The following ELF2 variants were observed in gnomAD, a reference collection of about 807,000 sequenced individuals.
The protein encoded by ELF2 is ETS-related transcription factor Elf-2.
ELF2 carries 11 observed loss-of-function variants against 54.8 expected under a neutral mutation model. That is an observed-to-expected ratio of 0.20 (90% CI 0.13 to 0.33). ELF2 has a LOEUF of 0.33. Among genes scored for constraint, ELF2 ranks in the 10% least tolerant of loss-of-function variants. The pLI, the probability that ELF2 is intolerant of heterozygous loss-of-function variation, is 1.00. For missense variants in ELF2, 513 were observed against 703.0 expected, an observed-to-expected ratio of 0.73 and a Z score of 3.06; for synonymous variants, 203 against 245.1, an observed-to-expected ratio of 0.83 and a Z score of 1.61.
At chr4:139,156,957 T>C (rs1214536322) in intron 1 of ELF2, among the ~76,000 whole-genome samples, 2 of 152,166 alleles carry the variant, frequency 1.3e-5, no homozygotes, top group Non-Finnish European at 2.9e-5. Context: ...TATATTCTTA[T>C]GTACTATACA....
chr4:139,096,124 G>A (rs1733254285), intron 4 of ELF2, among the ~76,000 whole-genome samples: 1 of 151,924 alleles, frequency 6.6e-6, no homozygotes, highest in Non-Finnish European at 1.5e-5. Flanking sequence ...TACAAAAAAA[G>A]AACATTTGTA....
chr4:139,142,015 T>C (rs989426827), intron 1 of ELF2, among the ~76,000 whole-genome samples: 1 of 152,188 alleles, frequency 6.6e-6, no homozygotes, highest in African/African-American at 2.4e-5. Context: ...TATTATATGA[T>C]AGCACAATTT....
chr4:139,154,249 AATTACCTGATGTTG>A (rs1289340257), intron 1 of ELF2, among the ~76,000 whole-genome samples: 1 of 152,194 alleles, frequency 6.6e-6, no homozygotes, highest in Non-Finnish European at 1.5e-5. Flanking sequence ...AATGCTGAGT[AATTACCTGATGTTG>A]GGCAGTTACT....
intron 4 of ELF2, among the ~76,000 whole-genome samples, chr4:139,083,933 G>A (rs2148734164): frequency 6.6e-6 from 1 of 152,322 alleles, no homozygotes; most frequent in South Asian, 2.1e-4. Flanking sequence ...ATTCGAGGCA[G>A]GTTACTCTCC....
chr4:139,090,799 T>C (rs1732486945), intron 4 of ELF2, among the ~76,000 whole-genome samples: 1 of 152,190 alleles, frequency 6.6e-6, no homozygotes, highest in Non-Finnish European at 1.5e-5. Context: ...TTTGCCACGT[T>C]GGCCAGGCTG....
chr4:139,135,237 A>ATGTGTGTGTGTG (rs61122327), intron 3 of ELF2, among the ~76,000 whole-genome samples: 8 of 112,398 alleles, frequency 7.1e-5, no homozygotes, highest in Non-Finnish European at 9.8e-5. Context: ...TACTATATAT[A>ATGTGTGTGTGTG]TGTGTGTGTG....
chr4:139,137,171 G>C lies in ELF2; in HGVS notation c.72+459C>G, dbSNP rs73852771. 872 of 154,034 alleles carry C rather than the reference G, an allele frequency of 5.7e-3. 9 individuals carry two copies. The highest frequency in any genetic ancestry group is 0.02 in the African/African-American group (822 of 41,596). 9.5% of individuals were successfully genotyped at this position (154,034 alleles called of 1,614,324 possible). Reference sequence around the variant, plus strand: ...TCTGACTTACTAATTATCTAAATTCGTGTTTAAATGAGATTAAAATACAAT... The same window carrying C: ...TCTGACTTACTAATTATCTAAATTCCTGTTTAAATGAGATTAAAATACAAT... On this transcript the variant is annotated intron_variant, in intron 3 of 9. Transcript: ENST00000686138.
At chr4:139,173,080 G>A (rs1475986578) in intron 1 of ELF2, among the ~76,000 whole-genome samples, 1 of 151,994 alleles carries the variant, frequency 6.6e-6, no homozygotes, top group Non-Finnish European at 1.5e-5. Flanking sequence ...AAAGCAAATG[G>A]ATTAAGACAA....
intron 4 of ELF2, among the ~76,000 whole-genome samples, chr4:139,104,238 G>A (rs763650505): frequency 2.5e-4 from 38 of 152,092 alleles, no homozygotes; most frequent in African/African-American, 8.7e-4. Context: ...GGCTGGGCAC[G>A]GTGGCTCATG....
intron 4 of ELF2, among the ~76,000 whole-genome samples, chr4:139,102,659 G>A (rs1734017049): frequency 1.3e-5 from 2 of 150,692 alleles, no homozygotes; most frequent in South Asian, 2.1e-4. Context: ...TGGCCGAGAT[G>A]GTGAAACCCC....
At chr4:139,170,800 C>T (rs1742233495) in intron 1 of ELF2, among the ~76,000 whole-genome samples, 1 of 151,136 alleles carries the variant, frequency 6.6e-6, no homozygotes, top group Non-Finnish European at 1.5e-5. Context: ...GGCTGCAGTG[C>T]AGTGTTGCAA....
intron 1 of ELF2, among the ~76,000 whole-genome samples, chr4:139,143,225 TC>T (rs1738889720): frequency 6.6e-6 from 1 of 152,182 alleles, no homozygotes; most frequent in African/African-American, 2.4e-5. Context: ...GTGCATGTGT[TC>T]CTGGAACAGT....
At chr4:139,144,096 C>T (rs558654482) in intron 1 of ELF2, among the ~76,000 whole-genome samples, 3 of 152,058 alleles carry the variant, frequency 2.0e-5, no homozygotes, top group South Asian at 2.1e-4. Flanking sequence ...AATGGAAAAA[C>T]GGAAACCACA....
intron 4 of ELF2, among the ~76,000 whole-genome samples, chr4:139,124,288 A>G (rs562651445): frequency 6.6e-6 from 1 of 152,308 alleles, no homozygotes; most frequent in African/African-American, 2.4e-5. Flanking sequence ...GCTCCACAAA[A>G]AATAAAATTA....
intron 4 of ELF2, among the ~76,000 whole-genome samples, chr4:139,074,280 G>T (rs1399409774): frequency 6.6e-6 from 1 of 152,164 alleles, no homozygotes; most frequent in Non-Finnish European, 1.5e-5. Flanking sequence ...GCTGGTTGTA[G>T]ATTAAAAACC....
chr4:139,126,212 T>C (rs1736904365), intron 3 of ELF2, among the ~76,000 whole-genome samples: 1 of 151,936 alleles, frequency 6.6e-6, no homozygotes, highest in South Asian at 2.1e-4. Flanking sequence ...GCTTGGAAGA[T>C]AAAATTGAGG....
rs1297590298 is a variant in ELF2 at position 139,063,195 on chromosome 4, T to C, written c.614-1138A>G. On this transcript the variant is annotated intron_variant, in intron 7 of 9. Transcript: ENST00000686138. Reference sequence around the variant, plus strand: ...ATCGCTTGAACCCAGGAAGCAGAGGTTACAGTGAGCTGAGATCGCACCACT... The same window carrying C: ...ATCGCTTGAACCCAGGAAGCAGAGGCTACAGTGAGCTGAGATCGCACCACT... Among the ~76,000 whole-genome samples, 3 of 152,032 alleles carry C rather than the reference T, an allele frequency of 2.0e-5. No homozygotes were observed. In the East Asian group the frequency reaches 5.8e-4, roughly 29 times the overall value.
chr4:139,169,297 G>A (rs898146839), intron 1 of ELF2, among the ~76,000 whole-genome samples: 8 of 147,382 alleles, frequency 5.4e-5, no homozygotes, highest in Admixed American at 3.4e-4. Flanking sequence ...GCGGCAAGCC[G>A]AGATCGCACC....
chr4:139,139,333 T>A, intron 2 of ELF2, 80 bp downstream of exon 2: 1 of 709,866 alleles, frequency 1.4e-6, no homozygotes, highest in Non-Finnish European at 1.9e-6. Context: ...ATAATAAAAT[T>A]CCACAGTCCC....
Sources: gnomAD v4.1 joint callset for allele counts (sites outside exome capture counted in the v4.1 genomes callset) on GRCh38, gnomAD v4.1.1 for gene constraint, MANE v1.5 for transcripts, NCBI Gene and HGNC (gene_info 2026-07-23, HGNC 2026-07-21) for gene names.